GLT1D1: variants seen among roughly 807,000 people sequenced by gnomAD.
GLT1D1 encodes the protein glycosyltransferase 1 domain containing 1.
GLT1D1 carries 21 observed loss-of-function variants against 28.7 expected under a neutral mutation model. That is an observed-to-expected ratio of 0.73 (90% CI 0.52 to 1.05). GLT1D1 has a LOEUF of 1.05. GLT1D1 is among the 50% of genes least tolerant of loss of function. GLT1D1 has a pLI of 0.00. For synonymous variants in GLT1D1, 147 were observed against 124.8 expected, an observed-to-expected ratio of 1.18 and a Z score of -1.19; for missense variants, 343 against 330.6, an observed-to-expected ratio of 1.04 and a Z score of -0.29.
chr12:128,963,066 G>C (rs1017136248), intron 7 of GLT1D1, among the ~76,000 whole-genome samples: 1 of 152,208 alleles, frequency 6.6e-6, no homozygotes, highest in African/African-American at 2.4e-5. Context: ...CTGCCAGCCT[G>C]TGACCTCTGC....
At chr12:128,932,816 G>A (rs1481038775) in intron 4 of GLT1D1, among the ~76,000 whole-genome samples, 1 of 152,036 alleles carries the variant, frequency 6.6e-6, no homozygotes, top group Non-Finnish European at 1.5e-5. Context: ...GCACGACCCT[G>A]GTTTAAGATC....
At chr12:128,862,292 G>A (rs1425695636) in intron 1 of GLT1D1, among the ~76,000 whole-genome samples, 1 of 145,134 alleles carries the variant, frequency 6.9e-6, no homozygotes, top group Non-Finnish European at 1.5e-5. Flanking sequence ...TTGCGCCACT[G>A]CAGTCCAGCC....
At chr12:128,973,833 C>T (rs1205588805) in intron 7 of GLT1D1, among the ~76,000 whole-genome samples, 1 of 151,550 alleles carries the variant, frequency 6.6e-6, no homozygotes, top group Non-Finnish European at 1.5e-5. Flanking sequence ...GAAAATATTC[C>T]TGAAGTTGTT....
Position 128,957,642 on chromosome 12 carries a change from A to G in GLT1D1, c.638A>G (p.Gln213Arg). The change falls in exon 7 of 8, where the codon CAG becomes CGG. Residue 213 changes from glutamine (Q) to arginine (R), a missense_variant and splice_region_variant. Transcript: ENST00000281703. ...ACAGGGCTACTGTTTTCCAATCCTC[A>G]GGTAAAGAAAAGTTCTTTCCCTCCA... is the stretch of plus-strand genomic sequence containing the variant. 1 of 1,602,202 alleles carries G rather than the reference A, an allele frequency of 6.2e-7. No homozygotes were observed. The highest frequency in any genetic ancestry group is 8.6e-7 in the Non-Finnish European group (1 of 1,169,288).
chr12:128,855,851 C>T (rs1290836283), intron 1 of GLT1D1, among the ~76,000 whole-genome samples: 1 of 150,204 alleles, frequency 6.7e-6, no homozygotes, highest in East Asian at 2.0e-4. Flanking sequence ...CCCCCGGTTC[C>T]AGCGATTCTC....
At chr12:128,875,317 G>A (rs1956845726) in intron 1 of GLT1D1, among the ~76,000 whole-genome samples, 1 of 152,186 alleles carries the variant, frequency 6.6e-6, no homozygotes, top group African/African-American at 2.4e-5. Flanking sequence ...ATGTCTGAAG[G>A]CTGTCAGGGC....
At chr12:128,877,948 T>C (rs1956913083) in intron 2 of GLT1D1, among the ~76,000 whole-genome samples, 1 of 152,204 alleles carries the variant, frequency 6.6e-6, no homozygotes, top group African/African-American at 2.4e-5. Flanking sequence ...TCTCAGTTCC[T>C]TACCACATGG....
Sources: allele counts gnomAD v4.1 joint callset (sites outside exome capture counted in the v4.1 genomes callset), GRCh38; gene constraint gnomAD v4.1.1; transcripts MANE v1.5; gene names NCBI Gene and HGNC (gene_info 2026-07-23, HGNC 2026-07-21).